Variants in CILP observed in about 807,000 individuals in gnomAD.
CILP encodes cartilage intermediate layer protein.
Under a neutral mutation model 82.5 loss-of-function variants are expected in CILP, and 75 were observed. The observed-to-expected ratio is 0.91, with a 90% confidence interval of 0.75 to 1.10. The LOEUF (loss-of-function observed/expected upper bound fraction) is 1.10, where lower values mean the gene tolerates loss of function less well. CILP is among the 50% of genes least tolerant of loss of function. The pLI, the probability that CILP is intolerant of heterozygous loss-of-function variation, is 0.00. For missense variants in CILP, 1,479 were observed against 1,530.8 expected (o/e 0.97, Z 0.56); for synonymous variants, 530 against 580.3 (o/e 0.91, Z 1.25).
chr15:65,198,335 T>C lies in CILP; in HGVS notation c.1951A>G (p.Thr651Ala), dbSNP rs36086843. ...ATGCCATACGTCCGAAGGGGGAAAG[T>C]GTCTCCTTCGTCATTGATGAAGTTC... ...DLNFINDEGD[T>A]FPLRTYGMFS... The change falls in exon 9 of 9, where the codon ACT becomes GCT. Residue 651 changes from threonine (T) to alanine (A), a missense_variant. Transcript: ENST00000261883. 13 of 1,614,062 alleles carry C rather than the reference T, an allele frequency of 8.1e-6. No individual in the cohort carries two copies. Among genetic ancestry groups the C allele is most frequent in the African/African-American group, 5.3e-5 (4 of 74,924 alleles).
rs1267505828 is a variant in CILP at position 65,207,718 on chromosome 15, C to A, written c.108G>T (p.Gly36=). The part of the protein sequence containing the change: ...LTQSVRRVQP[G]KKNPSIFAKP... Reference sequence around the variant, plus strand: ...TGGCAAAGATGCTGGGGTTCTTCTTCCCAGGCTGGACTCTTCTTACTGACT... The same window carrying A: ...TGGCAAAGATGCTGGGGTTCTTCTTACCAGGCTGGACTCTTCTTACTGACT... The change falls in exon 3 of 9, where the codon GGG becomes GGT. Residue 36 remains glycine (G), a synonymous_variant. Transcript: ENST00000261883. 26 of 1,614,050 alleles carry A rather than the reference C, an allele frequency of 1.6e-5. No homozygotes were observed. Among genetic ancestry groups the A allele is most frequent in the Non-Finnish European group, 2.1e-5 (25 of 1,180,026 alleles).
rs572540242 is a variant in CILP at position 65,197,892 on chromosome 15, A to G, written c.2394T>C (p.Ser798=). Residue 798 remains serine, a synonymous_variant, in exon 9 of 9, where the codon AGT becomes AGC. Coordinates refer to ENST00000261883, the MANE Select transcript of CILP (RefSeq NM_003613.4). ...SNPRAWGRFD[S]VITGPNGACV... is the part of the protein sequence containing the mutation. The stretch of plus-strand genomic sequence containing the variant: ...AGGCCCCGTTGGGGCCTGTGATGAC[A>G]CTGTCAAAGCGGCCCCAGGCCCTAG... The G allele has an allele frequency of 4.3e-6, 7 of 1,613,878 alleles. No homozygotes were observed. In the East Asian group the frequency reaches 6.7e-5, roughly 15 times the overall value.
At chr15:65,208,474 T>C (rs1169787635) in intron 2 of CILP, among the ~76,000 whole-genome samples, 2 of 152,220 alleles carry the variant, frequency 1.3e-5, no homozygotes, top group African/African-American at 4.8e-5. Flanking sequence ...ACATAACGCA[T>C]ACTGAATAAG....
intron 7 of CILP, among the ~76,000 whole-genome samples, chr15:65,203,028 G>A (rs953670377): frequency 6.6e-6 from 1 of 151,886 alleles, no homozygotes; most frequent in African/African-American, 2.4e-5. Flanking sequence ...ATAGAGACAG[G>A]GCTTTACTAT....
At position 65,197,516 on chromosome 15, in the gene CILP, A is replaced by G. The variant is rs1447941038; in HGVS notation, c.2770T>C (p.Tyr924His). The G allele has an allele frequency of 6.2e-7, 1 of 1,614,200 alleles. No homozygotes were observed. Among genetic ancestry groups the G allele is most frequent in the Admixed American group, 1.7e-5 (1 of 60,018 alleles). The change falls in exon 9 of 9, where the codon TAC (tyrosine) becomes CAC (histidine). Residue 924 changes from tyrosine to histidine, a missense_variant. Tyr to His is a moderately conservative substitution (Grantham distance 83, BLOSUM62 2). Coordinates refer to ENST00000261883, the MANE Select transcript of CILP (RefSeq NM_003613.4). ...TCTTCGTTGAAGGGGACTGTGTTGT[A>G]GTCATATCGATCCCCCTCAATCTGG... ...FYQIEGDRYD[Y>H]NTVPFNEDDP...
chr15:65,201,549 C>T (rs536411120), intron 8 of CILP, among the ~76,000 whole-genome samples: 2 of 151,656 alleles, frequency 1.3e-5, no homozygotes, highest in African/African-American at 4.8e-5. Flanking sequence ...GCCAACATGG[C>T]GAAACACCAT....
intron 6 of CILP, among the ~76,000 whole-genome samples, chr15:65,203,932 T>A (rs1371388920): frequency 6.6e-6 from 1 of 152,202 alleles, no homozygotes; most frequent in Admixed American, 6.5e-5. Context: ...ACCTCATACA[T>A]TTGAGGGAGC....
chr15:65,197,419 A>G lies in CILP; in HGVS notation c.2867T>C (p.Ile956Thr). The change falls in exon 9 of 9, where the codon ATC becomes ACC. Residue 956 changes from isoleucine (I) to threonine (T), a missense_variant. Coordinates refer to ENST00000261883, the MANE Select transcript of CILP (RefSeq NM_003613.4). Reference sequence around the variant, plus strand: ...CAGTGGCCCCACAATCTTCACCTTGATATAGCAGGCCCTGAATTCCATCGG... The same window carrying G: ...CAGTGGCCCCACAATCTTCACCTTGGTATAGCAGGCCCTGAATTCCATCGG... ...PKPMEFRACY[I>T]KVKIVGPLEV... The G allele has an allele frequency of 1.2e-6, 2 of 1,614,202 alleles. No homozygotes were observed. The highest frequency in any genetic ancestry group is 2.2e-5 in the East Asian group (1 of 44,880).
At position 65,197,517 on chromosome 15, in the gene CILP, G is replaced by A. The variant is rs142064911; in HGVS notation, c.2769C>T (p.Asp923=). 1.3e-4 allele frequency: 211 copies of A among 1,614,100 alleles called. No individual in the cohort carries two copies. The highest frequency in any genetic ancestry group is 1.7e-4 in the Non-Finnish European group (195 of 1,180,046). ...RFYQIEGDRY[D]YNTVPFNEDD... ...CTTCGTTGAAGGGGACTGTGTTGTAGTCATATCGATCCCCCTCAATCTGGT... is the reference window on the plus strand; with the variant it reads ...CTTCGTTGAAGGGGACTGTGTTGTAATCATATCGATCCCCCTCAATCTGGT... Residue 923 remains aspartate, a synonymous_variant, in exon 9 of 9, where the codon GAC becomes GAT. Coordinates refer to ENST00000261883, the MANE Select transcript of CILP (RefSeq NM_003613.4).
intron 1 of CILP, among the ~76,000 whole-genome samples, chr15:65,210,820 A>C (rs1457457310): frequency 6.6e-6 from 1 of 152,116 alleles, no homozygotes; most frequent in Non-Finnish European, 1.5e-5. Flanking sequence ...CTCTAAAACC[A>C]CTGGCCCCAC....
At chr15:65,207,901 A>AT (rs2088535887) in intron 2 of CILP, 137 bp from the exon 3 acceptor site, 2 of 681,996 alleles carry the variant, frequency 2.9e-6, no homozygotes, top group Non-Finnish European at 2.6e-6. Context: ...TCTGCTACTT[A>AT]TTGCTGTGCA....
In CILP at chr15:65,207,355, G is replaced by T. The variant is rs113517411; in HGVS notation, c.155-304C>A. ...CGGGCCACATCACCTCCAGCTTTAA[G>T]ATCGTCTAGCTAGGCATTCAGGGTG... On this transcript the variant is annotated intron_variant, in intron 3 of 8. Coordinates refer to ENST00000261883, the MANE Select transcript of CILP (RefSeq NM_003613.4). 5.1e-3 allele frequency among the ~76,000 whole-genome samples: 773 copies of T among 152,226 alleles called. 4 individuals are homozygous for T. The highest frequency in any genetic ancestry group is 0.011 in the East Asian group (59 of 5,160).
chr15:65,202,834 C>CTTTTT (rs10634666), intron 7 of CILP, among the ~76,000 whole-genome samples: 7 of 117,558 alleles, frequency 6.0e-5, no homozygotes, highest in East Asian at 2.4e-4. Context: ...GGGACCACAG[C>CTTTTT]TTTTTTTTTT....
intron 2 of CILP, among the ~76,000 whole-genome samples, chr15:65,207,980 A>C (rs1017575010): frequency 2.6e-5 from 4 of 152,186 alleles, no homozygotes; most frequent in Admixed American, 6.6e-5. Flanking sequence ...TAATTGCTGC[A>C]TCCTAGGGTC....
At chr15:65,207,643 A>T in intron 3 of CILP, 29 bp downstream of exon 3, 1 of 1,601,286 alleles carries the variant, frequency 6.2e-7, no homozygotes. Flanking sequence ...CTGCCCCTCC[A>T]GCCCCTCCCT....
rs749708471 is a variant in CILP, at chr15:65,198,533, T to C, written c.1753A>G (p.Asn585Asp). 6.2e-7 allele frequency: 1 copy of C among 1,614,234 alleles called. No homozygotes were observed. Among genetic ancestry groups the C allele is most frequent in the South Asian group, 1.1e-5 (1 of 91,090 alleles). The change falls in exon 9 of 9, where the codon AAC becomes GAC. Residue 585 changes from asparagine (N) to aspartate (D), a missense_variant. Physicochemically the swap from Asn to Asp is conservative, Grantham distance 23 (BLOSUM62 1). Transcript: ENST00000261883. ...KPITLEAMET[N>D]IIPLGEVVGE... is the part of the protein sequence containing the mutation. ...ACCACTTCCCCCAGGGGGATGATGT[T>C]GGTCTCCATGGCTTCCAAAGTGATG... is the stretch of plus-strand genomic sequence containing the variant.
rs747871021 is a variant in CILP at position 65,196,835 on chromosome 15, G to T, written c.3451C>A (p.Pro1151Thr). 6.2e-7 allele frequency: 1 copy of T among 1,612,838 alleles called. No homozygotes were observed. The highest frequency in any genetic ancestry group is 8.5e-7 in the Non-Finnish European group (1 of 1,179,202). The change falls in exon 9 of 9, where the codon CCC becomes ACC. Residue 1151 changes from proline to threonine, a missense_variant. Transcript: ENST00000261883. The stretch of plus-strand genomic sequence containing the variant: ...CTCGCTCGCTGCTGCCTCCTCGAGG[G>T]CACTCTTCCTTGGACAGTGCCTGCA... ...PAAGTVQGRV[P>T]SRRQQRASRG... is the part of the protein sequence containing the mutation.
chr15:65,197,619 G>A lies in CILP; in HGVS notation c.2667C>T (p.Ser889=). 2 of 1,614,234 alleles carry A rather than the reference G, an allele frequency of 1.2e-6. No homozygotes were observed. The highest frequency in any genetic ancestry group is 2.2e-5 in the South Asian group (2 of 91,086). ...AKPRPNSAEE[S]NGPIYAFENL... ...TCTCAAAGGCATAGATGGGCCCATT[G>A]CTCTCCTCAGCTGAGTTGGGCCTTG... is the stretch of plus-strand genomic sequence containing the variant. Residue 889 remains serine, a synonymous_variant, in exon 9 of 9, where the codon AGC becomes AGT. Transcript: ENST00000261883.
rs377269093 is a variant in CILP at position 65,196,795 on chromosome 15, C to T, written c.3491G>A (p.Arg1164His). Residue 1164 changes from arginine to histidine, a missense_variant, in exon 9 of 9, where the codon CGC becomes CAC. Coordinates refer to ENST00000261883, the MANE Select transcript of CILP (RefSeq NM_003613.4). ...RQQRASRGGQ[R>H]QGGVVASLRF... The stretch of plus-strand genomic sequence containing the variant: ...CAGAGAGGCCACCACTCCACCCTGG[C>T]GCTGGCCACCCCTGCTCGCTCGCTG... The T allele has an allele frequency of 3.3e-5, 52 of 1,597,844 alleles. No individual in the cohort carries two copies. Among genetic ancestry groups the T allele is most frequent in the South Asian group, 7.9e-5 (7 of 88,616 alleles).
Sources: gnomAD v4.1 joint callset for allele counts (sites outside exome capture counted in the v4.1 genomes callset) on GRCh38, gnomAD v4.1.1 for gene constraint, MANE v1.5 for transcripts, NCBI Gene and HGNC (gene_info 2026-07-23, HGNC 2026-07-21) for gene names.